The following GNAL variants were observed in gnomAD, a reference collection of about 807,000 sequenced individuals.
The protein encoded by GNAL is G protein subunit alpha L, also known as guanine nucleotide-binding protein G(olf) subunit alpha.
Under a neutral mutation model 55.1 loss-of-function variants are expected in GNAL, and 18 were observed. That is an observed-to-expected ratio of 0.33 (90% confidence interval 0.23 to 0.48). The LOEUF is 0.48. GNAL is among the 20% of genes least tolerant of loss of function. The probability of loss-of-function intolerance (pLI) is 0.99; values close to 1 mark genes in which losing one functional copy is unlikely to be tolerated. For synonymous variants in GNAL, 253 were observed against 237.0 expected (o/e 1.07, Z -0.62); for missense variants, 412 against 614.1 (o/e 0.67, Z 3.48).
intron 4 of GNAL, among the ~76,000 whole-genome samples, chr18:11,800,358 T>C (rs1268889104): frequency 6.6e-6 from 1 of 152,170 alleles, no homozygotes; most frequent in Non-Finnish European, 1.5e-5. Context: ...GGGGGTAACA[T>C]TGCAAACTGC....
chr18:11,869,146 A>AT (rs140692849), intron 9 of GNAL, among the ~76,000 whole-genome samples: 5 of 149,706 alleles, frequency 3.3e-5, no homozygotes, highest in Admixed American at 2.7e-4. Flanking sequence ...TTTTTTTATT[A>AT]TTTTTTTTTT....
Position 11,881,078 on chromosome 18 carries a change from C to T in GNAL, c.1320C>T (p.Phe440=). ...AVDTENIRRV[F]NDCRDIIQRM... ...ACACAGAGAACATCCGCAGGGTGTT[C>T]AACGACTGCCGCGACATCATCCAGC... Residue 440 remains phenylalanine (F), a synonymous_variant, in exon 12 of 12, where the codon TTC becomes TTT. Transcript: ENST00000334049. The surrounding 1 kb of genome is among the most constrained non-coding windows in gnomAD (Gnocchi z 4.8). 1 of 1,613,516 alleles carries T rather than the reference C, an allele frequency of 6.2e-7. No homozygotes were observed. The highest frequency in any genetic ancestry group is 8.5e-7 in the Non-Finnish European group (1 of 1,179,722).
intron 4 of GNAL, among the ~76,000 whole-genome samples, chr18:11,816,287 T>A (rs2034952430): frequency 6.6e-6 from 1 of 152,012 alleles, no homozygotes; most frequent in Admixed American, 6.6e-5. Flanking sequence ...TCAGCAATTT[T>A]TTTATTTTTT....
intron 5 of GNAL, among the ~76,000 whole-genome samples, chr18:11,839,747 G>A (rs2035573906): frequency 6.6e-6 from 1 of 152,104 alleles, no homozygotes; most frequent in Admixed American, 6.6e-5. Flanking sequence ...ATGAGGAGCT[G>A]AACTGTGCTA....
intron 1 of GNAL, among the ~76,000 whole-genome samples, chr18:11,739,203 G>C (rs753275729): frequency 2.0e-5 from 3 of 152,134 alleles, no homozygotes; most frequent in Non-Finnish European, 4.4e-5. Flanking sequence ...CTCAAACTTA[G>C]AAAAAAGTTG....
At chr18:11,862,369 T>C (rs2036166950) in intron 5 of GNAL, 26 bp from the exon 6 acceptor site, 3 of 1,608,812 alleles carry the variant, frequency 1.9e-6, no homozygotes, top group Non-Finnish European at 2.6e-6. Flanking sequence ...AGAACAGGCC[T>C]CAACCCTTGC....
At chr18:11,851,539 A>G in intron 5 of GNAL, 1 of 1,605,360 alleles carries the variant, frequency 6.2e-7, no homozygotes, top group Non-Finnish European at 8.5e-7. Flanking sequence ...ACACCTGTTC[A>G]ACCTGAAGTT....
chr18:11,827,828 G>A (rs1031849371), intron 5 of GNAL, among the ~76,000 whole-genome samples: 7 of 151,694 alleles, frequency 4.6e-5, no homozygotes, highest in African/African-American at 1.5e-4. Context: ...AAAATTAGCC[G>A]GGCGTGGTGG....
rs2035718086 is a variant in GNAL at position 11,845,733 on chromosome 18, A to G, written c.723-16662A>G. 1.3e-5 allele frequency among the ~76,000 whole-genome samples: 2 copies of G among 149,120 alleles called. 1 individual carries two copies. The highest frequency in any genetic ancestry group is 4.9e-5 in the African/African-American group (2 of 40,634). On this transcript the variant is annotated intron_variant, in intron 5 of 11. Coordinates refer to ENST00000334049, the MANE Select transcript of GNAL (RefSeq NM_182978.4). ...CCTGAAGGAAAGAAATAAAGGAAGG[A>G]AGGGAGGGAGGGAGAGAGGGAAGGA...
chr18:11,832,303 T>A (rs1431172308), intron 5 of GNAL, among the ~76,000 whole-genome samples: 2 of 152,176 alleles, frequency 1.3e-5, no homozygotes, highest in Non-Finnish European at 2.9e-5. Context: ...AATAATTGGT[T>A]TTTGAATTCT....
At chr18:11,801,677 T>C (rs1478911043) in intron 4 of GNAL, among the ~76,000 whole-genome samples, 1 of 152,048 alleles carries the variant, frequency 6.6e-6, no homozygotes, top group Admixed American at 6.6e-5. Context: ...GTTGGAATCA[T>C]GGAAGTAGTG....
At chr18:11,692,193 G>A (rs371402141) in intron 1 of GNAL, among the ~76,000 whole-genome samples, 13 of 152,170 alleles carry the variant, frequency 8.5e-5, no homozygotes, top group African/African-American at 1.9e-4. Context: ...CAAGATGCCC[G>A]CTTATAAATG....
At chr18:11,817,684 G>A (rs1332752592) in intron 4 of GNAL, among the ~76,000 whole-genome samples, 1 of 151,992 alleles carries the variant, frequency 6.6e-6, no homozygotes, top group Non-Finnish European at 1.5e-5. Flanking sequence ...CCACCTCCCA[G>A]GTTCCAGTGA....
intron 4 of GNAL, among the ~76,000 whole-genome samples, chr18:11,768,916 A>G (rs1376560558): frequency 7.4e-6 from 1 of 134,338 alleles, no homozygotes; most frequent in Non-Finnish European, 1.6e-5. Context: ...AAATATATAT[A>G]TAACATATTA....
In GNAL at chr18:11,703,795, G is replaced by GCACACACACACACACACA. The variant is rs35455680; in HGVS notation, c.376+13879_376+13896dup. Among the ~76,000 whole-genome samples the GCACACACACACACACACA allele has an allele frequency of 1.2e-3, 172 of 141,494 alleles. 1 individual carries two copies. Among genetic ancestry groups the GCACACACACACACACACA allele is most frequent in the African/African-American group, 1.4e-3 (52 of 37,948 alleles). 92.8% of individuals were successfully genotyped at this position (141,494 alleles called of 152,430 possible). ...GGGATAGGAGGCCCAGTGTTGATGG[G>GCACACACACACACACACA]CACACACACACACACACACACACAC... is the stretch of plus-strand genomic sequence containing the variant. On this transcript the variant is annotated intron_variant, in intron 1 of 11. Coordinates refer to ENST00000334049, the MANE Select transcript of GNAL (RefSeq NM_182978.4).
chr18:11,875,346 C>T (rs1027508752), intron 10 of GNAL, among the ~76,000 whole-genome samples: 20 of 152,182 alleles, frequency 1.3e-4, no homozygotes, highest in South Asian at 2.1e-4. Context: ...GTCTTGCTTG[C>T]GCTGCTGTAA....
chr18:11,811,691 A>G (rs1445703424), intron 4 of GNAL, among the ~76,000 whole-genome samples: 1 of 152,230 alleles, frequency 6.6e-6, no homozygotes, highest in Non-Finnish European at 1.5e-5. Context: ...AGAATATAGC[A>G]AGCCCACCTT....
chr18:11,828,995 C>T (rs1260131637), intron 5 of GNAL, among the ~76,000 whole-genome samples: 4 of 152,174 alleles, frequency 2.6e-5, no homozygotes, highest in Admixed American at 1.3e-4. Flanking sequence ...GAAACTGACA[C>T]CTAGAGAGGT....
At chr18:11,808,225 T>C (rs1472735941) in intron 4 of GNAL, among the ~76,000 whole-genome samples, 1 of 152,032 alleles carries the variant, frequency 6.6e-6, no homozygotes, top group Non-Finnish European at 1.5e-5. Context: ...CACCCTGCAC[T>C]CCAAGCTCCA....
Sources: gnomAD v4.1 joint callset for allele counts (sites outside exome capture counted in the v4.1 genomes callset) on GRCh38, gnomAD v4.1.1 for gene constraint, Gnocchi (gnomAD v3.1) non-coding constraint, MANE v1.5 for transcripts, NCBI Gene and HGNC (gene_info 2026-07-23, HGNC 2026-07-21) for gene names.